Variants in FARS2 observed in about 807,000 individuals in gnomAD.
The protein encoded by FARS2 is phenylalanyl-tRNA synthetase 2, mitochondrial.
A neutral mutation model predicts 46.4 loss-of-function variants in FARS2; 40 were observed. The ratio of observed to expected loss-of-function variants is 0.86; its 90% CI spans 0.67 to 1.12. The LOEUF is 1.12. FARS2 is among the 50% of genes most tolerant of loss of function. The probability of loss-of-function intolerance (pLI) is 0.00; values close to 1 mark genes in which losing one functional copy is unlikely to be tolerated. For missense variants in FARS2, 513 were observed against 567.9 expected, an observed-to-expected ratio of 0.90 and a Z score of 0.98; for synonymous variants, 234 against 214.9, an observed-to-expected ratio of 1.09 and a Z score of -0.78.
intron 6 of FARS2, among the ~76,000 whole-genome samples, chr6:5,747,312 T>C (rs1411762613): frequency 6.6e-6 from 1 of 152,216 alleles, no homozygotes; most frequent in Non-Finnish European, 1.5e-5. Context: ...TGCCTTGCTT[T>C]AGCAGCATTA....
At chr6:5,258,231 C>G (rs1764775709), upstream of FARS2, among the ~76,000 whole-genome samples, 1 of 152,162 alleles carries the variant, frequency 6.6e-6, no homozygotes, top group Non-Finnish European at 1.5e-5. Flanking sequence ...TATTATAGGT[C>G]TTGCAAGAGA....
intron 6 of FARS2, among the ~76,000 whole-genome samples, chr6:5,618,705 G>C (rs1362652410): frequency 6.6e-6 from 1 of 152,208 alleles, no homozygotes; most frequent in African/African-American, 2.4e-5. Context: ...CAGTCATTTA[G>C]AACCTTCTCC....
At chr6:5,552,666 ATG>A (rs1771438714) in intron 5 of FARS2, among the ~76,000 whole-genome samples, 1 of 152,200 alleles carries the variant, frequency 6.6e-6, no homozygotes, top group Non-Finnish European at 1.5e-5. Context: ...TCAAGTTAAA[ATG>A]TGATTTTAAT....
At chr6:5,310,356 G>A (rs898069983) in intron 1 of FARS2, among the ~76,000 whole-genome samples, 3 of 151,588 alleles carry the variant, frequency 2.0e-5, no homozygotes, top group Non-Finnish European at 4.4e-5. Flanking sequence ...AAACCTCAAA[G>A]GTCATAAACT....
At chr6:5,295,346 G>A (rs1767781096) in intron 1 of FARS2, among the ~76,000 whole-genome samples, 1 of 152,076 alleles carries the variant, frequency 6.6e-6, no homozygotes, top group Non-Finnish European at 1.5e-5. Context: ...TTGTGTTAGA[G>A]TTAGAAATTA....
At chr6:5,480,218 C>T (rs764296765) in intron 4 of FARS2, among the ~76,000 whole-genome samples, 9 of 152,086 alleles carry the variant, frequency 5.9e-5, no homozygotes, top group South Asian at 2.1e-4. Flanking sequence ...TAAACGGATG[C>T]GCCAGAAATA....
chr6:5,762,357 G>A (rs866368668), intron 6 of FARS2, among the ~76,000 whole-genome samples: 2 of 152,214 alleles, frequency 1.3e-5, no homozygotes, highest in African/African-American at 4.8e-5. Flanking sequence ...TAACTGAGAA[G>A]TGGTAAAGCT....
intron 2 of FARS2, among the ~76,000 whole-genome samples, chr6:5,383,121 A>T (rs142694380): frequency 1.4e-4 from 22 of 152,332 alleles, no homozygotes; most frequent in African/African-American, 5.3e-4. Context: ...GTTGGCACAT[A>T]AAATTAACCA....
chr6:5,542,468 A>G (rs1256326129), intron 4 of FARS2, among the ~76,000 whole-genome samples: 2 of 152,176 alleles, frequency 1.3e-5, no homozygotes, highest in East Asian at 1.9e-4. Context: ...GTGTCTGTTT[A>G]ATTCAGGGTT....
intron 1 of FARS2, among the ~76,000 whole-genome samples, chr6:5,324,108 C>T (rs546694542): frequency 1.5e-4 from 23 of 152,312 alleles, no homozygotes; most frequent in Non-Finnish European, 2.4e-4. Context: ...AGAAAGCGCT[C>T]CTGACTGAAA....
At chr6:5,516,809 A>G (rs1261939681) in intron 4 of FARS2, among the ~76,000 whole-genome samples, 1 of 152,148 alleles carries the variant, frequency 6.6e-6, no homozygotes, top group African/African-American at 2.4e-5. Flanking sequence ...TAATATGTTT[A>G]CTCAGGAACC....
In FARS2 at chr6:5,666,100, A is replaced by G. The variant is rs536050769; in HGVS notation, c.1217+52780A>G. On this transcript the variant is annotated intron_variant, in intron 6 of 6. Coordinates refer to ENST00000274680, the MANE Select transcript of FARS2 (RefSeq NM_006567.5). ...CTAGCGTACCGCACTTGAAAAGACTATGGTATTTATTGGTTCATTGAACTC... is the reference window on the plus strand; with the variant it reads ...CTAGCGTACCGCACTTGAAAAGACTGTGGTATTTATTGGTTCATTGAACTC... Among the ~76,000 whole-genome samples, 381 of 152,270 alleles carry G rather than the reference A, an allele frequency of 2.5e-3. 1 individual carries two copies. The highest frequency in any genetic ancestry group is 8.9e-3 in the African/African-American group (370 of 41,542).
intron 6 of FARS2, among the ~76,000 whole-genome samples, chr6:5,704,381 A>G (rs979588528): frequency 3.9e-5 from 6 of 152,176 alleles, no homozygotes; most frequent in African/African-American, 1.4e-4. Context: ...ACCTCCTCAG[A>G]CCATCATCTT....
intron 1 of FARS2, among the ~76,000 whole-genome samples, chr6:5,347,477 A>G (rs1757311734): frequency 6.6e-6 from 1 of 152,114 alleles, no homozygotes; most frequent in South Asian, 2.1e-4. Flanking sequence ...ACCATTTGAG[A>G]TTCATCCACG....
intron 4 of FARS2, among the ~76,000 whole-genome samples, chr6:5,472,911 C>T (rs1452332320): frequency 2.6e-5 from 4 of 152,088 alleles, no homozygotes; most frequent in African/African-American, 9.7e-5. Context: ...AGAGAGCACA[C>T]ATTCAGTATA....
intron 6 of FARS2, among the ~76,000 whole-genome samples, chr6:5,682,695 G>T (rs980246748): frequency 6.6e-6 from 1 of 152,246 alleles, no homozygotes; most frequent in Non-Finnish European, 1.5e-5. Flanking sequence ...AGCTGCAGCT[G>T]ATACATAGGG....
At chr6:5,636,990 A>AT (rs1384383205) in intron 6 of FARS2, among the ~76,000 whole-genome samples, 9 of 152,256 alleles carry the variant, frequency 5.9e-5, no homozygotes, top group African/African-American at 2.2e-4. Flanking sequence ...CAAGAAGTCC[A>AT]TAGAACATTC....
chr6:5,498,464 G>GT (rs1418743014), intron 4 of FARS2, among the ~76,000 whole-genome samples: 1 of 152,064 alleles, frequency 6.6e-6, no homozygotes, highest in Non-Finnish European at 1.5e-5. Context: ...ATCATAAAAC[G>GT]TAAGTGTTTC....
At chr6:5,405,887 T>G (rs1258403562) in intron 3 of FARS2, among the ~76,000 whole-genome samples, 1 of 152,182 alleles carries the variant, frequency 6.6e-6, no homozygotes, top group Non-Finnish European at 1.5e-5. Flanking sequence ...ATATTAACAG[T>G]ATATTATATC....
Sources: allele counts gnomAD v4.1 joint callset (sites outside exome capture counted in the v4.1 genomes callset), GRCh38; gene constraint gnomAD v4.1.1; transcripts MANE v1.5; gene names NCBI Gene and HGNC (gene_info 2026-07-23, HGNC 2026-07-21).